Variants in SEMA6D observed in about 807,000 individuals in gnomAD.
SEMA6D encodes semaphorin-6D.
A neutral mutation model predicts 106.6 loss-of-function variants in SEMA6D; 35 were observed. The observed-to-expected ratio is 0.33, with a 90% CI of 0.25 to 0.44. The LOEUF (loss-of-function observed/expected upper bound fraction) is 0.44. Ranked by LOEUF, SEMA6D falls within the 20% of genes least tolerant of loss-of-function variation. The probability of loss-of-function intolerance (pLI) is 1.00; values close to 1 mark genes in which losing one functional copy is unlikely to be tolerated. For missense variants in SEMA6D, 1,185 were observed against 1,345.9 expected (o/e 0.88, Z 1.87); for synonymous variants, 499 against 487.7 (o/e 1.02, Z -0.31).
intron 4 of SEMA6D, among the ~76,000 whole-genome samples, chr15:47,652,627 C>T (rs909826994): frequency 2.6e-5 from 4 of 152,164 alleles, no homozygotes; most frequent in East Asian, 1.9e-4. Flanking sequence ...GTCCACTTCA[C>T]GTATAGACTG....
chr15:47,708,693 A>G (rs941359628), intron 4 of SEMA6D, among the ~76,000 whole-genome samples: 87 of 152,202 alleles, frequency 5.7e-4, no homozygotes, highest in African/African-American at 1.9e-3. Context: ...TCCCTCTCTC[A>G]GGGAGCTCTG....
At chr15:47,500,138 A>T (rs1423643138) in intron 3 of SEMA6D, among the ~76,000 whole-genome samples, 2 of 152,136 alleles carry the variant, frequency 1.3e-5, no homozygotes, top group African/African-American at 4.8e-5. Flanking sequence ...GACCCTCCTG[A>T]TGAAATATAA....
intron 4 of SEMA6D, among the ~76,000 whole-genome samples, chr15:47,625,602 G>A (rs1210464941): frequency 6.6e-6 from 1 of 152,024 alleles, no homozygotes; most frequent in Non-Finnish European, 1.5e-5. Flanking sequence ...AGGCATGGTG[G>A]CGTGTACCTG....
intron 4 of SEMA6D, among the ~76,000 whole-genome samples, chr15:47,617,169 G>A (rs1200805586): frequency 6.6e-6 from 1 of 152,110 alleles, no homozygotes; most frequent in African/African-American, 2.4e-5. Context: ...GCTGGAGCTC[G>A]TTACTGTTTC....
At position 47,315,031 on chromosome 15, in the gene SEMA6D, A is replaced by G. The variant is rs533958793; in HGVS notation, c.-238-97362A>G. 1.2e-4 allele frequency among the ~76,000 whole-genome samples: 18 copies of G among 150,740 alleles called. No homozygotes were observed. In the South Asian group the frequency reaches 2.5e-3, roughly 21 times the overall value. On this transcript the variant is annotated intron_variant, in intron 1 of 19. Coordinates refer to the SEMA6D transcript ENST00000558014. ...CAGGCGCCCGCCATCACGCCCGGCTAATTTTTTTGTATTTTTAGTAGAGAC... is the reference window on the plus strand; with the variant it reads ...CAGGCGCCCGCCATCACGCCCGGCTGATTTTTTTGTATTTTTAGTAGAGAC...
intron 1 of SEMA6D, among the ~76,000 whole-genome samples, chr15:47,376,155 GGACAA>G (rs2039442268): frequency 2.0e-5 from 3 of 152,156 alleles, no homozygotes; most frequent in African/African-American, 7.2e-5. Context: ...TTATTTCCAG[GGACAA>G]GCACTTCTGG....
chr15:47,770,367 A>T, intron 18 of SEMA6D, 130 bp from the exon 19 acceptor site: 2 of 641,770 alleles, frequency 3.1e-6, no homozygotes, highest in Non-Finnish European at 5.2e-6. Flanking sequence ...GGAATTTTGG[A>T]GTCTACTTGA....
intron 1 of SEMA6D, among the ~76,000 whole-genome samples, chr15:47,335,187 T>C (rs1190122050): frequency 2.0e-5 from 3 of 152,130 alleles, no homozygotes; most frequent in African/African-American, 7.2e-5. Context: ...TATCTCGTTT[T>C]GTGGATGGGT....
At chr15:47,192,571 T>G (rs1894037724) in intron 1 of SEMA6D, among the ~76,000 whole-genome samples, 1 of 152,112 alleles carries the variant, frequency 6.6e-6, no homozygotes, top group Non-Finnish European at 1.5e-5. Context: ...TTATCATCAT[T>G]AAAAAGCATT....
intron 1 of SEMA6D, among the ~76,000 whole-genome samples, chr15:47,409,548 G>A (rs1219930940): frequency 6.6e-6 from 1 of 152,190 alleles, no homozygotes; most frequent in Admixed American, 6.5e-5. Flanking sequence ...ACATGTTAAT[G>A]TCAAGATACC....
intron 3 of SEMA6D, among the ~76,000 whole-genome samples, chr15:47,580,247 A>G (rs2076233051): frequency 6.6e-6 from 1 of 152,148 alleles, no homozygotes; most frequent in Non-Finnish European, 1.5e-5. Flanking sequence ...CTTTCTTCCT[A>G]ATGGGATGAG....
At chr15:47,658,020 G>A (rs762276517) in intron 4 of SEMA6D, among the ~76,000 whole-genome samples, 5 of 151,592 alleles carry the variant, frequency 3.3e-5, no homozygotes, top group Non-Finnish European at 7.4e-5. Flanking sequence ...GATTACAAGC[G>A]TGAGCCACCA....
intron 3 of SEMA6D, among the ~76,000 whole-genome samples, chr15:47,537,480 A>G (rs1035915096): frequency 6.6e-6 from 1 of 152,238 alleles, no homozygotes; most frequent in Non-Finnish European, 1.5e-5. Flanking sequence ...TTGGAAAGTT[A>G]GGCAGAGTTT....
At chr15:47,489,691 G>A (rs1483470744) in intron 3 of SEMA6D, among the ~76,000 whole-genome samples, 1 of 150,694 alleles carries the variant, frequency 6.6e-6, no homozygotes, top group African/African-American at 2.4e-5. Context: ...TTGCTCTCTT[G>A]CCCAGGCTGG....
intron 4 of SEMA6D, among the ~76,000 whole-genome samples, chr15:47,622,537 G>T (rs2077125749): frequency 6.6e-6 from 1 of 152,024 alleles, no homozygotes; most frequent in South Asian, 2.1e-4. Context: ...GCTTCTCCTT[G>T]CTCCTGATAT....
intron 1 of SEMA6D, among the ~76,000 whole-genome samples, chr15:47,307,736 C>T (rs1333343211): frequency 3.3e-5 from 5 of 152,254 alleles, no homozygotes; most frequent in African/African-American, 4.8e-5. Context: ...TAATGGTTTT[C>T]GTCTATATCT....
Position 47,478,720 on chromosome 15 carries a change from C to G in SEMA6D, c.-87+8175C>G, listed in dbSNP as rs539045475. Among the ~76,000 whole-genome samples the G allele has an allele frequency of 2.6e-5, 4 of 152,196 alleles. No homozygotes were observed. In the South Asian group the frequency reaches 8.3e-4, roughly 32 times the overall value. ...GGCAAGAGAATAATGAACACAGAAG[C>G]CTTCTTTGCCATTGTATTAGTCTGT... On this transcript the variant is annotated intron_variant, in intron 3 of 19. Coordinates refer to the SEMA6D transcript ENST00000558014.
At chr15:47,286,911 C>A (rs539999873) in intron 1 of SEMA6D, among the ~76,000 whole-genome samples, 1 of 152,234 alleles carries the variant, frequency 6.6e-6, no homozygotes, top group East Asian at 1.9e-4. Context: ...TTTAAGCCAC[C>A]TGTTTCAAAA....
intron 1 of SEMA6D, among the ~76,000 whole-genome samples, chr15:47,291,146 A>G (rs541270683): frequency 2.6e-5 from 4 of 152,330 alleles, no homozygotes; most frequent in African/African-American, 9.6e-5. Flanking sequence ...ATGGAGAAAA[A>G]AAGCCCGAAG....
Sources: gnomAD v4.1 joint callset for allele counts (sites outside exome capture counted in the v4.1 genomes callset) on GRCh38, gnomAD v4.1.1 for gene constraint, MANE v1.5 for transcripts, NCBI Gene and HGNC (gene_info 2026-07-23, HGNC 2026-07-21) for gene names.